Variants in NLGN4X observed in about 807,000 individuals in gnomAD.
The protein encoded by NLGN4X is neuroligin 4 X-linked.
Under a neutral mutation model 40.3 loss-of-function variants are expected in NLGN4X, and 3 were observed. The ratio of observed to expected loss-of-function variants is 0.07; its 90% CI spans 0.03 to 0.19. The LOEUF is 0.19. Among genes scored for constraint, NLGN4X ranks in the 10% least tolerant of loss-of-function variants. NLGN4X has a pLI of 1.00. For missense variants in NLGN4X, 382 were observed against 708.3 expected (o/e 0.54, Z 5.23); for synonymous variants, 270 against 306.8 (o/e 0.88, Z 1.25).
intron 3 of NLGN4X, among the ~76,000 whole-genome samples, chrX:6,005,906 C>T (rs1366923042): frequency 9.0e-6 from 1 of 111,432 alleles, no homozygotes; most frequent in Admixed American, 9.6e-5. Flanking sequence ...TACTATCCCC[C>T]TAAGTATCAT....
chrX:5,921,010 C>A (rs746311209), intron 3 of NLGN4X, among the ~76,000 whole-genome samples: 2 of 109,853 alleles, frequency 1.8e-5, no homozygotes, highest in Non-Finnish European at 3.8e-5. Context: ...ACGCTAATAG[C>A]ATGTTGTGTT....
At chrX:6,211,317 G>T (rs1396135375) in intron 1 of NLGN4X, among the ~76,000 whole-genome samples, 2 of 111,382 alleles carry the variant, frequency 1.8e-5, no homozygotes, top group Admixed American at 1.9e-4. Context: ...GGCGGGAGGG[G>T]TGTGGAGTAA....
At chrX:6,065,028 T>C (rs1168452120) in intron 2 of NLGN4X, among the ~76,000 whole-genome samples, 2 of 111,481 alleles carry the variant, frequency 1.8e-5, no homozygotes, top group Non-Finnish European at 3.8e-5. Context: ...AAGCAAGTAC[T>C]GCATATTCTC....
At chrX:6,114,559 C>CAA (rs1491079828) in intron 2 of NLGN4X, among the ~76,000 whole-genome samples, 2 of 106,839 alleles carry the variant, frequency 1.9e-5, no homozygotes, top group Non-Finnish European at 3.8e-5. Flanking sequence ...CACACACACA[C>CAA]AAACATGCAC....
chrX:5,947,846 A>T (rs924978745), intron 3 of NLGN4X, among the ~76,000 whole-genome samples: 6 of 112,310 alleles, frequency 5.3e-5, no homozygotes, highest in Admixed American at 4.7e-4. Flanking sequence ...TAGAAAAAAA[A>T]TTCTGAAAGA....
chrX:6,177,582 G>A (rs983033800), intron 1 of NLGN4X, among the ~76,000 whole-genome samples: 1 of 112,138 alleles, frequency 8.9e-6, no homozygotes, highest in African/African-American at 3.2e-5. Context: ...ATAACAACAC[G>A]CTACTCACAC....
intron 2 of NLGN4X, among the ~76,000 whole-genome samples, chrX:6,072,276 T>G (rs1006284330): frequency 1.8e-5 from 2 of 111,381 alleles, no homozygotes; most frequent in African/African-American, 6.5e-5. Flanking sequence ...ATTTGGAATT[T>G]TGACTAATAG....
Position 5,893,413 on chromosome X carries a change from T to A in NLGN4X, c.1855A>T (p.Thr619Ser). The change falls in exon 6 of 6, where the codon ACA becomes TCA. Residue 619 changes from threonine (T) to serine (S), a missense_variant. By Grantham distance (58) the Thr-to-Ser change is moderately conservative (BLOSUM62 1). This residue lies in a region of NLGN4X where 149 missense variants were observed against 375.8 expected (regional missense o/e 0.40). Transcript: ENST00000381095. ...CGCCGGGTGCCATAGGGAAATGATG[T>A]CATGTCTGGTGGAGGAACCTTTGTG... ...TTTKVPPPDM[T>S]SFPYGTRRSP... 8.3e-6 allele frequency: 10 copies of A among 1,210,238 alleles called. No individual in the cohort carries two copies. The highest frequency in any genetic ancestry group is 1.1e-5 in the Non-Finnish European group (10 of 895,146).
Position 5,913,994 on chromosome X carries a change from G to A in NLGN4X, c.626-4755C>T, listed in dbSNP as rs181960523. Among the ~76,000 whole-genome samples the A allele has an allele frequency of 4.8e-4, 54 of 112,073 alleles. 1 individual carries two copies. In the South Asian group the frequency reaches 4.8e-3, roughly 10 times the overall value. On this transcript the variant is annotated intron_variant, in intron 3 of 5. Transcript: ENST00000381095. ...TTCTCCTTTGTCTTCTGCCATGATC[G>A]TGAGGCCTCCCCAGCCATGTGGAAC...
intron 1 of NLGN4X, among the ~76,000 whole-genome samples, chrX:6,168,550 T>A (rs1317053317): frequency 8.9e-6 from 1 of 112,243 alleles, no homozygotes; most frequent in Admixed American, 9.5e-5. Flanking sequence ...GCTCACTGCA[T>A]CCTGGAATTC....
chrX:5,921,586 T>A (rs1378193535), intron 3 of NLGN4X, among the ~76,000 whole-genome samples: 1 of 111,060 alleles, frequency 9.0e-6, no homozygotes, highest in African/African-American at 3.3e-5. Flanking sequence ...CCAGCCCCTA[T>A]GGTACCAACA....
At chrX:6,167,069 C>CAAAA (rs869227439) in intron 1 of NLGN4X, among the ~76,000 whole-genome samples, 5 of 59,197 alleles carry the variant, frequency 8.4e-5, no homozygotes, top group African/African-American at 1.5e-4. Flanking sequence ...GAAACTGTCT[C>CAAAA]AAAAAAAAAA....
At chrX:6,143,083 T>C (rs2039980572) in intron 2 of NLGN4X, among the ~76,000 whole-genome samples, 1 of 112,236 alleles carries the variant, frequency 8.9e-6, no homozygotes, top group Non-Finnish European at 1.9e-5. Flanking sequence ...TTGCTGAAAT[T>C]TTCGGGTTCC....
At chrX:5,997,565 C>CGTGTGTGTGT (rs535392837) in intron 3 of NLGN4X, among the ~76,000 whole-genome samples, 2 of 68,079 alleles carry the variant, frequency 2.9e-5, no homozygotes, top group Non-Finnish European at 6.0e-5. Context: ...TATAAAATTA[C>CGTGTGTGTGT]ATGTGTGTGT....
rs1275896503 is a variant in NLGN4X at position 6,149,741 on chromosome X, G to A, written c.472+1254C>T. On this transcript the variant is annotated intron_variant, in intron 2 of 5. Coordinates refer to ENST00000381095, the MANE Select transcript of NLGN4X (RefSeq NM_181332.3). ...GCAGAATCCTTTAATTTCTTTCTCT[G>A]GGCTGTTCTTTGTAATCTCAATGAC... Among the ~76,000 whole-genome samples the A allele has an allele frequency of 2.7e-4, 30 of 111,270 alleles. No homozygotes were observed. In the Admixed American group the frequency reaches 2.9e-3, roughly 11 times the overall value.
At chrX:5,932,740 G>T (rs1254501771) in intron 3 of NLGN4X, among the ~76,000 whole-genome samples, 3 of 110,336 alleles carry the variant, frequency 2.7e-5, no homozygotes, top group African/African-American at 9.9e-5. Context: ...GGAGAGAAAG[G>T]CATCCTTGGA....
At chrX:6,070,011 T>C (rs1189590193) in intron 2 of NLGN4X, among the ~76,000 whole-genome samples, 1 of 111,526 alleles carries the variant, frequency 9.0e-6, no homozygotes, top group Non-Finnish European at 1.9e-5. Context: ...CTCATTGGAG[T>C]TTAATTCCAT....
At chrX:6,227,339 C>G (rs992845423) in intron 1 of NLGN4X, 3 of 109,223 alleles carry the variant, frequency 2.7e-5, no homozygotes, top group East Asian at 5.8e-4. Flanking sequence ...ACACTCCCCC[C>G]GACACCCTCG....
intron 3 of NLGN4X, among the ~76,000 whole-genome samples, chrX:6,015,972 G>C (rs759512689): frequency 3.6e-5 from 4 of 112,149 alleles, no homozygotes; most frequent in Non-Finnish European, 7.5e-5. Flanking sequence ...CAGAATGGGA[G>C]TGTTTGTGAA....
Sources: allele counts gnomAD v4.1 joint callset (sites outside exome capture counted in the v4.1 genomes callset), GRCh38; gene constraint gnomAD v4.1.1; regional missense constraint gnomAD v4.1.1; transcripts MANE v1.5; gene names NCBI Gene and HGNC (gene_info 2026-07-23, HGNC 2026-07-21).